CNTNAP2: variants seen among roughly 807,000 people sequenced by gnomAD.
CNTNAP2 encodes the protein contactin associated protein 2, also known as contactin-associated protein-like 2.
A neutral mutation model predicts 155.2 loss-of-function variants in CNTNAP2; 98 were observed. The ratio of observed to expected loss-of-function variants is 0.63; its 90% CI spans 0.54 to 0.75. CNTNAP2 has a LOEUF of 0.75. Ranked by LOEUF, CNTNAP2 falls within the 30% of genes least tolerant of loss-of-function variation. The pLI, the probability that CNTNAP2 is intolerant of heterozygous loss-of-function variation, is 0.00. For synonymous variants in CNTNAP2, 651 were observed against 631.2 expected (o/e 1.03, Z -0.47); for missense variants, 1,727 against 1,688.1 (o/e 1.02, Z -0.40).
At chr7:146,468,480 C>A (rs1796747883) in intron 1 of CNTNAP2, among the ~76,000 whole-genome samples, 1 of 151,612 alleles carries the variant, frequency 6.6e-6, no homozygotes, top group Non-Finnish European at 1.5e-5. Flanking sequence ...CTGGGTAACA[C>A]AGGAAGTGCA....
intron 11 of CNTNAP2, among the ~76,000 whole-genome samples, chr7:147,504,871 T>G (rs1424261522): frequency 2.0e-5 from 3 of 151,748 alleles, no homozygotes; most frequent in Non-Finnish European, 4.4e-5. Flanking sequence ...CCAGGCATTT[T>G]GGGTTAGGGA....
At chr7:146,903,461 C>A (rs1402037177) in intron 3 of CNTNAP2, among the ~76,000 whole-genome samples, 1 of 152,190 alleles carries the variant, frequency 6.6e-6, no homozygotes, top group African/African-American at 2.4e-5. Flanking sequence ...CCCACTCCAA[C>A]AAAATAAAAC....
At chr7:147,254,978 T>G (rs1175630483) in intron 8 of CNTNAP2, among the ~76,000 whole-genome samples, 2 of 152,198 alleles carry the variant, frequency 1.3e-5, no homozygotes, top group East Asian at 1.9e-4. Flanking sequence ...TATTTCTAAG[T>G]TATAATTGCA....
chr7:148,216,880 T>C (rs1795647904), intron 18 of CNTNAP2, among the ~76,000 whole-genome samples: 1 of 152,134 alleles, frequency 6.6e-6, no homozygotes. Flanking sequence ...TCACAAGAGC[T>C]GATGGTTTTA....
At chr7:147,945,991 C>G (rs1191768337) in intron 14 of CNTNAP2, among the ~76,000 whole-genome samples, 1 of 151,606 alleles carries the variant, frequency 6.6e-6, no homozygotes, top group East Asian at 1.9e-4. Context: ...CCTCAGCCTC[C>G]TAAGTAGCTG....
intron 3 of CNTNAP2, among the ~76,000 whole-genome samples, chr7:146,875,305 A>G (rs950402736): frequency 2.0e-5 from 3 of 152,182 alleles, no homozygotes; most frequent in African/African-American, 7.2e-5. Context: ...GGAATAAACA[A>G]GATTATATCT....
rs545315829 is a variant in CNTNAP2 at position 146,460,893 on chromosome 7, A to C, written c.98-313378A>C. 2.0e-5 allele frequency among the ~76,000 whole-genome samples: 3 copies of C among 152,324 alleles called. No individual in the cohort carries two copies. In the South Asian group the frequency reaches 6.2e-4, roughly 32 times the overall value. ...TACATAAGATAAGTCAGTTCTACAGATCTATTGTACTGCATGGTAACTATA... is the reference window on the plus strand; with the variant it reads ...TACATAAGATAAGTCAGTTCTACAGCTCTATTGTACTGCATGGTAACTATA... On this transcript the variant is annotated intron_variant, in intron 1 of 23. Transcript: ENST00000361727.
intron 9 of CNTNAP2, among the ~76,000 whole-genome samples, chr7:147,394,506 A>G (rs1796776462): frequency 6.6e-6 from 1 of 152,044 alleles, no homozygotes; most frequent in African/African-American, 2.4e-5. Context: ...ATTTGCAAGC[A>G]GACAAATTAG....
intron 3 of CNTNAP2, among the ~76,000 whole-genome samples, chr7:146,897,764 C>T (rs1037338580): frequency 6.6e-6 from 1 of 151,818 alleles, no homozygotes; most frequent in African/African-American, 2.4e-5. Context: ...ATCAATTGAC[C>T]ATAGTTAAAT....
At chr7:147,307,814 T>C (rs2116787578) in intron 9 of CNTNAP2, among the ~76,000 whole-genome samples, 1 of 152,348 alleles carries the variant, frequency 6.6e-6, no homozygotes, top group Non-Finnish European at 1.5e-5. Flanking sequence ...CCTACATTCA[T>C]TCATTTATAT....
chr7:147,741,357 A>G lies in CNTNAP2; in HGVS notation c.2098+102051A>G, dbSNP rs553708869. On this transcript the variant is annotated intron_variant, in intron 13 of 23. Coordinates refer to ENST00000361727, the MANE Select transcript of CNTNAP2 (RefSeq NM_014141.6). ...TCAAATAAAATGGGTCCTGTAAAAGACAATTTGCTGCTGGGTTGCAGTTTA... is the reference window on the plus strand; with the variant it reads ...TCAAATAAAATGGGTCCTGTAAAAGGCAATTTGCTGCTGGGTTGCAGTTTA... Among the ~76,000 whole-genome samples the G allele has an allele frequency of 3.9e-5, 6 of 152,334 alleles. No individual in the cohort carries two copies. The South Asian group carries it at 1.2e-3, about 32-fold the overall frequency.
At chr7:148,301,686 C>T (rs753065613) in intron 21 of CNTNAP2, among the ~76,000 whole-genome samples, 5 of 152,150 alleles carry the variant, frequency 3.3e-5, no homozygotes, top group Non-Finnish European at 7.3e-5. Flanking sequence ...GGACCATGCC[C>T]ACTTCAAGAA....
intron 2 of CNTNAP2, among the ~76,000 whole-genome samples, chr7:146,829,564 TA>T (rs1803471450): frequency 6.6e-6 from 1 of 152,056 alleles, no homozygotes; most frequent in South Asian, 2.1e-4. Flanking sequence ...AGTCGAAAAG[TA>T]TTTTTTTTTT....
intron 6 of CNTNAP2, chr7:147,122,885 T>A (rs1801149982): frequency 6.6e-6 from 1 of 152,194 alleles, no homozygotes; most frequent in African/African-American, 2.4e-5. Flanking sequence ...TATTTATGTA[T>A]AATTTTATAA....
At chr7:147,609,297 C>T (rs57578791) in intron 12 of CNTNAP2, among the ~76,000 whole-genome samples, 2,858 of 152,120 alleles carry the variant, frequency 0.019, 93 homozygotes, top group African/African-American at 0.065. Context: ...TTTGGGAGGC[C>T]GAGGTGGGCG....
In CNTNAP2 at chr7:147,775,239, A is replaced by ATT. The variant is rs1347891855; in HGVS notation, c.2099-128325_2099-128324insTT. Among the ~76,000 whole-genome samples, 122 of 120,154 alleles carry ATT rather than the reference A, an allele frequency of 1.0e-3. 13 individuals are homozygous for ATT. In the Admixed American group the frequency reaches 0.014, roughly 14 times the overall value. The allele number at this position is 120,154 out of a possible 152,430, so 78.8% of individuals were successfully genotyped here. A position where few individuals can be genotyped will look rare whatever the true frequency, so the allele number is the denominator to read the frequency against. On this transcript the variant is annotated intron_variant, in intron 13 of 23. Coordinates refer to ENST00000361727, the MANE Select transcript of CNTNAP2 (RefSeq NM_014141.6). Reference sequence around the variant, plus strand: ...ATAAATACAAAAGAAATATATATATATATTTATATATATATTTATAAATAT... The same window carrying ATT: ...ATAAATACAAAAGAAATATATATATATTTATTTATATATATATTTATAAATAT...
chr7:146,742,775 T>C (rs1383254498), intron 1 of CNTNAP2, among the ~76,000 whole-genome samples: 1 of 152,170 alleles, frequency 6.6e-6, no homozygotes, highest in Non-Finnish European at 1.5e-5. Flanking sequence ...AGTACTGTAA[T>C]AGATATATTC....
At chr7:146,167,297 C>A (rs865845513) in intron 1 of CNTNAP2, among the ~76,000 whole-genome samples, 31 of 151,966 alleles carry the variant, frequency 2.0e-4, no homozygotes, top group African/African-American at 6.3e-4. Context: ...TACAGTGGAC[C>A]CATGTTAAGC....
chr7:146,866,305 A>G (rs1795204132), intron 3 of CNTNAP2, among the ~76,000 whole-genome samples: 1 of 152,162 alleles, frequency 6.6e-6, no homozygotes, highest in Admixed American at 6.5e-5. Context: ...AGCCTTTATA[A>G]TAAAATATTT....
Sources: allele counts gnomAD v4.1 joint callset (sites outside exome capture counted in the v4.1 genomes callset), GRCh38; gene constraint gnomAD v4.1.1; transcripts MANE v1.5; gene names NCBI Gene and HGNC (gene_info 2026-07-23, HGNC 2026-07-21).